The following REPS2 variants were observed in gnomAD, a reference collection of about 807,000 sequenced individuals.
REPS2 encodes the protein ralBP1-associated Eps domain-containing protein 2.
REPS2 carries 23 observed loss-of-function variants against 53.6 expected under a neutral mutation model. That is an observed-to-expected ratio of 0.43 (90% CI 0.31 to 0.61). The LOEUF is 0.61. REPS2 is among the 20% of genes least tolerant of loss of function. REPS2 has a pLI of 0.11. For synonymous variants in REPS2, 238 were observed against 218.6 expected, an observed-to-expected ratio of 1.09 and a Z score of -0.78; for missense variants, 446 against 534.9, an observed-to-expected ratio of 0.83 and a Z score of 1.64.
intron 9 of REPS2, among the ~76,000 whole-genome samples, chrX:17,064,514 G>A (rs912346774): frequency 8.0e-5 from 9 of 112,157 alleles, no homozygotes; most frequent in Non-Finnish European, 1.7e-4. Flanking sequence ...AAAGACAGCA[G>A]AGCTGTTAGC....
intron 4 of REPS2, among the ~76,000 whole-genome samples, chrX:17,028,986 A>G: frequency 8.9e-6 from 1 of 112,024 alleles, no homozygotes. Context: ...GTTTTTTAAA[A>G]GTTTGGTTAT....
intron 13 of REPS2, among the ~76,000 whole-genome samples, chrX:17,102,159 G>A (rs1459629633): frequency 1.8e-5 from 2 of 110,381 alleles, no homozygotes; most frequent in African/African-American, 6.6e-5. Context: ...CATGGCTCAC[G>A]GAAGCCTCAA....
chrX:17,194,752 A>G, the REPS2 span, among the ~76,000 whole-genome samples: 5 of 112,049 alleles, frequency 4.5e-5, no homozygotes, highest in African/African-American at 1.3e-4. Flanking sequence ...GGGGAATCCA[A>G]GTAAGTTCTA....
chrX:17,076,615 G>C (rs1213886499), intron 12 of REPS2, among the ~76,000 whole-genome samples: 1 of 112,203 alleles, frequency 8.9e-6, no homozygotes, highest in East Asian at 2.8e-4. Context: ...AAGTTATTTA[G>C]TTCCTTTTTA....
At chrX:17,007,615 G>T (rs954820978) in intron 2 of REPS2, among the ~76,000 whole-genome samples, 5 of 111,743 alleles carry the variant, frequency 4.5e-5, no homozygotes, top group African/African-American at 1.6e-4. Flanking sequence ...TCACCCTAGC[G>T]GTTAAATGCT....
At chrX:17,146,683 C>T (rs2063519203) in intron 17 of REPS2, among the ~76,000 whole-genome samples, 1 of 111,756 alleles carries the variant, frequency 8.9e-6, no homozygotes, top group South Asian at 3.8e-4. Context: ...TGAATAAATA[C>T]TTGTGAAGTT....
At chrX:17,015,586 G>A (rs1031571386) in intron 2 of REPS2, among the ~76,000 whole-genome samples, 4 of 92,924 alleles carry the variant, frequency 4.3e-5, no homozygotes, top group Non-Finnish European at 6.3e-5. Flanking sequence ...AACAGTCCCC[G>A]GTGTGTGATG....
In REPS2 at chrX:17,098,120, A is replaced by G. The variant is rs147752734; in HGVS notation, c.1517-5598A>G. Among the ~76,000 whole-genome samples the G allele has an allele frequency of 3.0e-4, 34 of 111,709 alleles. No homozygotes were observed. In the East Asian group the frequency reaches 9.2e-3, roughly 30 times the overall value. ...ACTTGCAGGTCTCACTCATGAAGAT[A>G]GTTGCAAAAATCCTAAACAAAATAT... On this transcript the variant is annotated intron_variant, in intron 13 of 17. Coordinates refer to ENST00000357277, the MANE Select transcript of REPS2 (RefSeq NM_004726.3).
At chrX:17,076,246 C>A (rs932352343) in intron 12 of REPS2, among the ~76,000 whole-genome samples, 4 of 111,911 alleles carry the variant, frequency 3.6e-5, no homozygotes, top group Non-Finnish European at 7.5e-5. Flanking sequence ...TAGCTAAGTA[C>A]GAAGAAGGTT....
chrX:17,061,251 A>G (rs941321768), intron 8 of REPS2, among the ~76,000 whole-genome samples: 5 of 112,017 alleles, frequency 4.5e-5, no homozygotes, highest in African/African-American at 1.6e-4. Flanking sequence ...TACTGTATGT[A>G]TGTATGCATG....
intron 2 of REPS2, among the ~76,000 whole-genome samples, chrX:17,012,456 G>A (rs1252573052): frequency 8.9e-6 from 1 of 111,956 alleles, no homozygotes; most frequent in African/African-American, 3.2e-5. Context: ...TACCGGTATT[G>A]CTAGTGATAA....
At chrX:16,996,282 A>G (rs2061234421) in intron 1 of REPS2, among the ~76,000 whole-genome samples, 1 of 112,109 alleles carries the variant, frequency 8.9e-6, no homozygotes, top group Non-Finnish European at 1.9e-5. Flanking sequence ...CTATCAGGTC[A>G]CAGGAGGGCC....
chrX:17,013,865 C>T (rs1252668624), intron 2 of REPS2, among the ~76,000 whole-genome samples: 1 of 111,070 alleles, frequency 9.0e-6, no homozygotes, highest in East Asian at 2.8e-4. Flanking sequence ...CAAAGTTCGC[C>T]TATGCAGGTT....
intron 6 of REPS2, among the ~76,000 whole-genome samples, chrX:17,050,515 G>A (rs898290124): frequency 9.0e-6 from 1 of 110,559 alleles, no homozygotes; most frequent in Non-Finnish European, 1.9e-5. Context: ...GGAGCAATAG[G>A]TTCTACCATC....
At chrX:17,034,009 TC>T (rs2061737073) in intron 5 of REPS2, among the ~76,000 whole-genome samples, 1 of 112,447 alleles carries the variant, frequency 8.9e-6, no homozygotes, top group African/African-American at 3.2e-5. Context: ...TATGCTTTTT[TC>T]CCCATTAAGA....
At chrX:17,074,244 A>C in intron 12 of REPS2, 85 bp downstream of exon 12, 3 of 855,779 alleles carry the variant, frequency 3.5e-6, no homozygotes, top group Non-Finnish European at 5.2e-6. Flanking sequence ...AACCCAACCC[A>C]TGATTTCCTC....
intron 17 of REPS2, among the ~76,000 whole-genome samples, chrX:17,143,793 T>A (rs946634966): frequency 2.7e-5 from 3 of 112,074 alleles, no homozygotes; most frequent in African/African-American, 9.7e-5. Context: ...ATCTTTTTTT[T>A]AATTATACTT....
intron 1 of REPS2, among the ~76,000 whole-genome samples, chrX:16,956,284 G>GTTTTTTT (rs869259012): frequency 1.2e-4 from 3 of 24,757 alleles, no homozygotes; most frequent in Non-Finnish European, 1.9e-4. Flanking sequence ...AACCACAGCA[G>GTTTTTTT]TTTTTTTTTT....
At chrX:17,011,243 ATCTC>A (rs1161197332) in intron 2 of REPS2, among the ~76,000 whole-genome samples, 3 of 111,686 alleles carry the variant, frequency 2.7e-5, no homozygotes, top group African/African-American at 6.5e-5. Context: ...GGCACTAGGT[ATCTC>A]TCTAGCCCCA....
Sources: gnomAD v4.1 joint callset for allele counts (sites outside exome capture counted in the v4.1 genomes callset) on GRCh38, gnomAD v4.1.1 for gene constraint, MANE v1.5 for transcripts, NCBI Gene and HGNC (gene_info 2026-07-23, HGNC 2026-07-21) for gene names.